Variants in QRICH1 observed in about 807,000 individuals in gnomAD.
QRICH1 encodes transcriptional regulator QRICH1.
QRICH1 carries 16 observed loss-of-function variants against 87.1 expected under a neutral mutation model. The ratio of observed to expected loss-of-function variants is 0.18; its 90% confidence interval spans 0.12 to 0.28. The LOEUF (loss-of-function observed/expected upper bound fraction) is 0.28. Ranked by LOEUF, QRICH1 falls within the 10% of genes least tolerant of loss-of-function variation. The pLI is 1.00. For missense variants in QRICH1, 647 were observed against 951.7 expected, an observed-to-expected ratio of 0.68 and a Z score of 4.21; for synonymous variants, 367 against 368.4, an observed-to-expected ratio of 1.00 and a Z score of 0.05.
chr3:49,079,873 A>G lies in QRICH1; in HGVS notation c.-21-2835T>C, dbSNP rs146650064. Among the ~76,000 whole-genome samples, 21 of 152,276 alleles carry G rather than the reference A, an allele frequency of 1.4e-4. 1 individual carries two copies. The East Asian group carries it at 3.9e-3, about 28-fold the overall frequency. ...GCGAAACCCTGTCTCTACTAAAAATACAAAAATTAGCCAGGCATGGTGTCA... is the reference window on the plus strand; with the variant it reads ...GCGAAACCCTGTCTCTACTAAAAATGCAAAAATTAGCCAGGCATGGTGTCA... On this transcript the variant is annotated intron_variant, in intron 1 of 9. Coordinates refer to ENST00000395443, the MANE Select transcript of QRICH1 (RefSeq NM_198880.3).
chr3:49,047,334 CATTT>C (rs1444525406), intron 3 of QRICH1, 88 bp from the exon 4 acceptor site: 28 of 1,243,860 alleles, frequency 2.3e-5, no homozygotes, highest in Admixed American at 4.7e-5. Context: ...ATGTATAGTT[CATTT>C]ATTTAAGAAA....
In QRICH1 at chr3:49,085,448, T is replaced by C. The variant is rs1004190279; in HGVS notation, c.-21-8410A>G. On this transcript the variant is annotated intron_variant, in intron 1 of 9. Transcript: ENST00000395443. ...CTGGTTGATCATAGTACGATTTTCT[T>C]TCAAAATCTGAAAGAAACTAAACCT... is the stretch of plus-strand genomic sequence containing the variant. Among the ~76,000 whole-genome samples, 8 of 151,990 alleles carry C rather than the reference T, an allele frequency of 5.3e-5. No individual in the cohort carries two copies. The East Asian group carries it at 1.5e-3, about 29-fold the overall frequency.
intron 3 of QRICH1, among the ~76,000 whole-genome samples, chr3:49,052,023 G>A (rs147212460): frequency 3.3e-5 from 5 of 152,292 alleles, no homozygotes; most frequent in African/African-American, 1.2e-4. Flanking sequence ...GGAAGCCTTG[G>A]AGAGTTTTAA....
rs568484947 is a variant in QRICH1, at chr3:49,059,709, A to G, written c.310-1819T>C. Among the ~76,000 whole-genome samples, 14 of 150,972 alleles carry G rather than the reference A, an allele frequency of 9.3e-5. No homozygotes were observed. In the East Asian group the frequency reaches 2.6e-3, roughly 28 times the overall value. On this transcript the variant is annotated intron_variant, in intron 2 of 9. Transcript: ENST00000395443. Reference sequence around the variant, plus strand: ...AGTGCTGGGATTACAGGCTTGAGCCACCATGCCTAGCCTTATTTATTTATT... The same window carrying G: ...AGTGCTGGGATTACAGGCTTGAGCCGCCATGCCTAGCCTTATTTATTTATT...
At chr3:49,047,479 GTT>G (rs397724825) in intron 3 of QRICH1, among the ~76,000 whole-genome samples, 12 of 109,040 alleles carry the variant, frequency 1.1e-4, no homozygotes, top group Admixed American at 1.9e-4. Flanking sequence ...ACTTTTAAAT[GTT>G]TTTTTTTTTT....
chr3:49,032,467 G>A (rs1034306039), intron 8 of QRICH1, 155 bp downstream of exon 8: 25 of 1,045,360 alleles, frequency 2.4e-5, no homozygotes, highest in Non-Finnish European at 3.3e-5. Context: ...GCTTCTAGGA[G>A]GAAAGTTTGG....
At chr3:49,048,023 A>C (rs1334340081) in intron 3 of QRICH1, among the ~76,000 whole-genome samples, 1 of 152,202 alleles carries the variant, frequency 6.6e-6, no homozygotes, top group Non-Finnish European at 1.5e-5. Context: ...ACTGGCTCAA[A>C]GCACTGCTCC....
intron 3 of QRICH1, among the ~76,000 whole-genome samples, chr3:49,055,912 C>G (rs1341105727): frequency 2.0e-5 from 3 of 152,076 alleles, no homozygotes; most frequent in Admixed American, 1.3e-4. Context: ...CTCCTGACCT[C>G]TGGTGACTCA....
chr3:49,042,347 C>T (rs1163188365), intron 6 of QRICH1, among the ~76,000 whole-genome samples: 7 of 152,138 alleles, frequency 4.6e-5, no homozygotes, highest in Non-Finnish European at 7.4e-5. Flanking sequence ...GATCCACATG[C>T]CTCGGCCTCC....
chr3:49,068,931 A>C (rs2093484019), intron 2 of QRICH1, among the ~76,000 whole-genome samples: 1 of 151,358 alleles, frequency 6.6e-6, no homozygotes, highest in Non-Finnish European at 1.5e-5. Flanking sequence ...ACACCCGGCC[A>C]AACTTGGCTA....
At chr3:49,079,061 C>T (rs1575376242) in intron 1 of QRICH1, among the ~76,000 whole-genome samples, 1 of 151,796 alleles carries the variant, frequency 6.6e-6, no homozygotes, top group Non-Finnish European at 1.5e-5. Context: ...GGAGAAACCC[C>T]ATCTCTACAA....
At chr3:49,094,194 A>G (rs2042337315), upstream of QRICH1, 3 of 390,802 alleles carry the variant, frequency 7.7e-6, no homozygotes, top group African/African-American at 2.1e-5. Context: ...TCTGGCCGCT[A>G]GAGCGGATAG....
chr3:49,087,860 C>T (rs1452402001), intron 1 of QRICH1, among the ~76,000 whole-genome samples: 2 of 129,974 alleles, frequency 1.5e-5, no homozygotes, highest in East Asian at 5.3e-4. Flanking sequence ...TTCTATGCTT[C>T]TTTGAAATAA....
intron 2 of QRICH1, among the ~76,000 whole-genome samples, chr3:49,072,049 G>C (rs540066487): frequency 6.6e-6 from 1 of 152,218 alleles, no homozygotes; most frequent in South Asian, 2.1e-4. Flanking sequence ...GACAAAACAA[G>C]GCTGGGCGTG....
chr3:49,053,191 G>C (rs1398392330), intron 3 of QRICH1, among the ~76,000 whole-genome samples: 2 of 152,130 alleles, frequency 1.3e-5, no homozygotes, highest in East Asian at 3.9e-4. Flanking sequence ...TAACATGCAA[G>C]TCTAAAGAAA....
At chr3:49,040,227 G>A (rs2093302142) in intron 6 of QRICH1, among the ~76,000 whole-genome samples, 1 of 152,248 alleles carries the variant, frequency 6.6e-6, no homozygotes, top group Admixed American at 6.5e-5. Context: ...TATGTAGAGT[G>A]ATGTAGTCAC....
intron 2 of QRICH1, among the ~76,000 whole-genome samples, chr3:49,076,138 G>A (rs1287820220): frequency 6.6e-6 from 1 of 152,158 alleles, no homozygotes; most frequent in Non-Finnish European, 1.5e-5. Flanking sequence ...AGCTACTCAG[G>A]AGGCTGGGGC....
chr3:49,030,991 C>CTT (rs1162254467), intron 9 of QRICH1, among the ~76,000 whole-genome samples: 64 of 132,438 alleles, frequency 4.8e-4, no homozygotes, highest in African/African-American at 9.2e-4. Context: ...AGTCTTTGCG[C>CTT]TTTTTTTTTT....
chr3:49,078,569 G>T (rs1431722094), intron 1 of QRICH1, among the ~76,000 whole-genome samples: 1 of 145,338 alleles, frequency 6.9e-6, no homozygotes, highest in African/African-American at 2.6e-5. Flanking sequence ...TAATTTTTTT[G>T]TATTTTTAGT....
Sources: gnomAD v4.1 joint callset for allele counts (sites outside exome capture counted in the v4.1 genomes callset) on GRCh38, gnomAD v4.1.1 for gene constraint, MANE v1.5 for transcripts, NCBI Gene and HGNC (gene_info 2026-07-23, HGNC 2026-07-21) for gene names.